Variants in PBRM1 observed in about 807,000 individuals in gnomAD.
The protein encoded by PBRM1 is polybromo 1.
A neutral mutation model predicts 194.5 loss-of-function variants in PBRM1; 27 were observed. The ratio of observed to expected loss-of-function variants is 0.14; its 90% confidence interval spans 0.10 to 0.19. The LOEUF is 0.19. PBRM1 is among the 10% of genes least tolerant of loss of function. The pLI is 1.00. For synonymous variants in PBRM1, 655 were observed against 693.2 expected (o/e 0.94, Z 0.87); for missense variants, 1,466 against 2,077.2 (o/e 0.71, Z 5.72).
At chr3:52,583,126 A>AAGG in intron 20 of PBRM1, among the ~76,000 whole-genome samples, 1 of 118,666 alleles carries the variant, frequency 8.4e-6, no homozygotes, top group East Asian at 3.0e-4. Flanking sequence ...AAAAACTAAT[A>AAGG]GGGGCGGGGG....
At chr3:52,658,524 A>G (rs1408357256) in intron 4 of PBRM1, among the ~76,000 whole-genome samples, 1 of 151,710 alleles carries the variant, frequency 6.6e-6, no homozygotes, top group Non-Finnish European at 1.5e-5. Flanking sequence ...CCTCCCGAGT[A>G]GCTGGGATTA....
intron 6 of PBRM1, among the ~76,000 whole-genome samples, chr3:52,650,833 C>T (rs572672475): frequency 1.6e-4 from 24 of 152,326 alleles, no homozygotes; most frequent in African/African-American, 5.3e-4. Flanking sequence ...CAGTTCTACT[C>T]TAAATACTCA....
chr3:52,662,016 A>G, intron 4 of PBRM1, 117 bp downstream of exon 5: 1 of 993,166 alleles, frequency 1.0e-6, no homozygotes, highest in South Asian at 1.7e-5. Flanking sequence ...CCTCCCAGTT[A>G]CCAATACAAT....
chr3:52,663,594 T>C (rs1308624352), intron 3 of PBRM1, among the ~76,000 whole-genome samples: 1 of 152,160 alleles, frequency 6.6e-6, no homozygotes, highest in Non-Finnish European at 1.5e-5. Flanking sequence ...CAAGAAATAT[T>C]GAGTCCATAG....
At chr3:52,619,798 T>G (rs1281183430) in intron 13 of PBRM1, among the ~76,000 whole-genome samples, 4 of 152,158 alleles carry the variant, frequency 2.6e-5, no homozygotes, top group Non-Finnish European at 4.4e-5. Flanking sequence ...GTTGAGAAAA[T>G]AAACATCTAT....
At chr3:52,608,719 T>C (rs1464379908) in intron 16 of PBRM1, among the ~76,000 whole-genome samples, 1 of 152,050 alleles carries the variant, frequency 6.6e-6, no homozygotes, top group Non-Finnish European at 1.5e-5. Flanking sequence ...AAGTCTGCTA[T>C]TGACATGTAG....
intron 18 of PBRM1, among the ~76,000 whole-genome samples, chr3:52,588,105 C>T (rs916224608): frequency 4.6e-5 from 7 of 152,090 alleles, no homozygotes; most frequent in African/African-American, 1.4e-4. Context: ...GAGACCTGCT[C>T]CACTCTGCTC....
At chr3:52,661,045 AGAT>A (rs1016600083) in intron 4 of PBRM1, among the ~76,000 whole-genome samples, 2 of 150,502 alleles carry the variant, frequency 1.3e-5, no homozygotes, top group African/African-American at 4.9e-5. Context: ...TTTTTTTTTG[AGAT>A]GGAGTCTCAT....
At chr3:52,685,719 C>T (rs2154094278) in intron 1 of PBRM1, 30 bp downstream of exon 1, 2 of 156,708 alleles carry the variant, frequency 1.3e-5, no homozygotes, top group South Asian at 2.0e-4. Context: ...CAAGGGGGAG[C>T]GGCCCCACCC....
chr3:52,684,167 C>CAAAAA (rs66702174), upstream of PBRM1, among the ~76,000 whole-genome samples: 7 of 75,710 alleles, frequency 9.2e-5, no homozygotes, highest in Admixed American at 1.6e-4. Context: ...GACCTTGTCT[C>CAAAAA]AAAAAAAAAA....
Position 52,604,958 on chromosome 3 carries a change from A to AAAAAAAATAAATAAATAAATAAAT in PBRM1, c.2568-1227_2568-1226insATTTATTTATTTATTTATTTTTTT, listed in dbSNP as rs2094250701. ...AACAGAGTGAGTGAGACTCTGTCCC[A>AAAAAAAATAAATAAATAAATAAAT]AAATAAATAAATAAATAAATAAATA... is the stretch of plus-strand genomic sequence containing the variant. On this transcript the variant is annotated intron_variant, in intron 16 of 29. Transcript: ENST00000296302. Among the ~76,000 whole-genome samples, 3 of 145,672 alleles carry AAAAAAAATAAATAAATAAATAAAT rather than the reference A, an allele frequency of 2.1e-5. No individual in the cohort carries two copies. The South Asian group carries it at 6.5e-4, about 32-fold the overall frequency.
chr3:52,549,864 C>T (rs1335339360), intron 29 of PBRM1, among the ~76,000 whole-genome samples: 1 of 151,610 alleles, frequency 6.6e-6, no homozygotes, highest in African/African-American at 2.4e-5. Flanking sequence ...GAGATTGTAC[C>T]ACTGCACTCC....
chr3:52,581,827 A>G (rs893675768), intron 20 of PBRM1, among the ~76,000 whole-genome samples: 52 of 152,110 alleles, frequency 3.4e-4, no homozygotes, highest in Non-Finnish European at 6.3e-4. Flanking sequence ...TAGTAGAGAC[A>G]GGGTTTCACC....
chr3:52,657,926 G>A (rs1315661999), intron 5 of PBRM1, among the ~76,000 whole-genome samples: 1 of 151,964 alleles, frequency 6.6e-6, no homozygotes, highest in Non-Finnish European at 1.5e-5. Context: ...CGAGTAGCTG[G>A]GATTATAGGC....
intron 2 of PBRM1, among the ~76,000 whole-genome samples, chr3:52,669,133 A>C (rs1239395656): frequency 6.6e-6 from 1 of 152,224 alleles, no homozygotes; most frequent in Non-Finnish European, 1.5e-5. Context: ...TGCTGCTACA[A>C]TAGCAATTAC....
At chr3:52,580,720 T>G (rs1007492080) in intron 20 of PBRM1, among the ~76,000 whole-genome samples, 2 of 152,206 alleles carry the variant, frequency 1.3e-5, no homozygotes, top group East Asian at 3.9e-4. Context: ...TGCTATGGCT[T>G]TGGGCAAATT....
rs778589972 is a variant in PBRM1 at position 52,589,291 on chromosome 3, T to C, written c.2780-36A>G. 9.5e-5 allele frequency: 135 copies of C among 1,415,930 alleles called. No individual in the cohort carries two copies. In the South Asian group the frequency reaches 1.7e-3, roughly 18 times the overall value. The allele number at this position is 1,415,930 out of a possible 1,614,324, so 87.7% of individuals were successfully genotyped here. A position where few individuals can be genotyped will look rare whatever the true frequency, so the allele number is the denominator to read the frequency against. ...AAAATAAATAAATAAAGGAAAAAGG[T>C]ACTCACCAAAGGGATGCTGAAGTCA... On this transcript the variant is annotated intron_variant, in intron 17 of 29. Transcript: ENST00000296302.
At chr3:52,624,088 C>A (rs954223481) in intron 13 of PBRM1, among the ~76,000 whole-genome samples, 1 of 152,152 alleles carries the variant, frequency 6.6e-6, no homozygotes, top group Non-Finnish European at 1.5e-5. Context: ...GGAAAATAAT[C>A]TTTCCTAAAG....
intron 17 of PBRM1, among the ~76,000 whole-genome samples, chr3:52,596,355 T>C (rs1201400269): frequency 1.4e-5 from 2 of 139,046 alleles, no homozygotes; most frequent in Non-Finnish European, 3.0e-5. Context: ...GGAGAATTGC[T>C]TGAACCCAGG....
Sources: allele counts gnomAD v4.1 joint callset (sites outside exome capture counted in the v4.1 genomes callset), GRCh38; gene constraint gnomAD v4.1.1; transcripts MANE v1.5; gene names NCBI Gene and HGNC (gene_info 2026-07-23, HGNC 2026-07-21).